TUT7: variants seen among roughly 807,000 people sequenced by gnomAD.
TUT7 encodes the protein terminal uridylyltransferase 7.
Under a neutral mutation model 165.9 loss-of-function variants are expected in TUT7, and 33 were observed. The observed-to-expected ratio is 0.20, with a 90% confidence interval of 0.15 to 0.27. The LOEUF is 0.27. Among genes scored for constraint, TUT7 ranks in the 10% least tolerant of loss-of-function variants. TUT7 has a pLI of 1.00. For missense variants in TUT7, 1,338 were observed against 1,762.3 expected (o/e 0.76, Z 4.31); for synonymous variants, 552 against 608.1 (o/e 0.91, Z 1.36).
chr9:86,288,663 G>C lies in TUT7; in HGVS notation c.*14C>G. The C allele has an allele frequency of 6.2e-7, 1 of 1,611,578 alleles. No homozygotes were observed. Among genetic ancestry groups the C allele is most frequent in the Non-Finnish European group, 8.5e-7 (1 of 1,177,928 alleles). ...CGCCTGAGTGGCCATTTAGAGTGCT[G>C]CATTTTCCTTCCCTCATGATTCCTG... is the stretch of plus-strand genomic sequence containing the variant. On this transcript the variant is annotated 3_prime_UTR_variant, in exon 27 of 27. Coordinates refer to ENST00000375963, the MANE Select transcript of TUT7 (RefSeq NM_024617.4).
At chr9:86,331,539 C>T (rs542022660) in intron 10 of TUT7, among the ~76,000 whole-genome samples, 3 of 152,200 alleles carry the variant, frequency 2.0e-5, no homozygotes, top group South Asian at 2.1e-4. Flanking sequence ...CAAACATTTA[C>T]GATTGTTTTG....
rs986161819 is a variant in TUT7 at position 86,354,371 on chromosome 9, G to A, written c.-132C>T. The A allele has an allele frequency of 2.0e-5, 3 of 152,846 alleles. No individual in the cohort carries two copies. The highest frequency in any genetic ancestry group is 7.2e-5 in the African/African-American group (3 of 41,468). 9.5% of individuals were successfully genotyped at this position (152,846 alleles called of 1,614,324 possible). On this transcript the variant is annotated 5_prime_UTR_variant, in exon 1 of 27. Coordinates refer to ENST00000375963, the MANE Select transcript of TUT7 (RefSeq NM_024617.4). ...AGGGACGTTGGGAGAAGGCGCCCAA[G>A]AGCACTCACCACCTTCGCCGCGGTC... is the stretch of plus-strand genomic sequence containing the variant.
chr9:86,353,285 G>A (rs987879547), intron 1 of TUT7, 55 bp from the exon 2 acceptor site: 26 of 1,381,834 alleles, frequency 1.9e-5, no homozygotes, highest in Non-Finnish European at 2.4e-5. Context: ...TATCATACAA[G>A]TATACAAAAT....
At chr9:86,350,868 C>G (rs1317594410) in intron 2 of TUT7, among the ~76,000 whole-genome samples, 1 of 152,164 alleles carries the variant, frequency 6.6e-6, no homozygotes, top group East Asian at 1.9e-4. Context: ...CGCGGTAGTT[C>G]ACGCCTGTAA....
At chr9:86,322,833 A>G (rs1355637019) in intron 13 of TUT7, 40 bp downstream of exon 13, 1 of 1,527,494 alleles carries the variant, frequency 6.5e-7, no homozygotes, top group Non-Finnish European at 8.7e-7. Context: ...CAAAGTCCTT[A>G]AAGTCTCCTA....
chr9:86,351,721 T>C (rs1832319603), intron 2 of TUT7, among the ~76,000 whole-genome samples: 1 of 152,210 alleles, frequency 6.6e-6, no homozygotes, highest in Non-Finnish European at 1.5e-5. Context: ...AAAGTGTCCA[T>C]ATTCCCTGAA....
At chr9:86,330,537 G>A (rs1268976093) in intron 10 of TUT7, among the ~76,000 whole-genome samples, 1 of 152,206 alleles carries the variant, frequency 6.6e-6, no homozygotes, top group Non-Finnish European at 1.5e-5. Flanking sequence ...TCTCAACTGG[G>A]TAGCTTGAGT....
At chr9:86,312,588 G>A (rs1256655010) in intron 17 of TUT7, among the ~76,000 whole-genome samples, 3 of 152,318 alleles carry the variant, frequency 2.0e-5, no homozygotes, top group Non-Finnish European at 4.4e-5. Flanking sequence ...CCCTCTGCCC[G>A]GCCACCATCC....
chr9:86,302,397 T>C, intron 25 of TUT7, among the ~76,000 whole-genome samples: 1 of 152,358 alleles, frequency 6.6e-6, no homozygotes, highest in South Asian at 2.1e-4. Context: ...GCTGAACAGT[T>C]ACTGTGCATT....
chr9:86,329,444 C>T (rs976150095), intron 10 of TUT7, among the ~76,000 whole-genome samples: 13 of 151,710 alleles, frequency 8.6e-5, no homozygotes, highest in Non-Finnish European at 2.9e-5. Flanking sequence ...AATTGTTTGA[C>T]CCTGGGAGGC....
intron 14 of TUT7, 85 bp downstream of exon 14, chr9:86,322,240 G>A: frequency 7.8e-7 from 1 of 1,277,402 alleles, no homozygotes; most frequent in South Asian, 1.4e-5. Context: ...AATGTTTAGA[G>A]ACCTAAATAG....
chr9:86,325,626 T>C lies in TUT7; in HGVS notation c.1609-112A>G. 6.3e-6 allele frequency: 6 copies of C among 951,282 alleles called. No individual in the cohort carries two copies. In the South Asian group the frequency reaches 8.9e-5, roughly 14 times the overall value. 58.9% of individuals were successfully genotyped at this position (951,282 alleles called of 1,614,324 possible). On this transcript the variant is annotated intron_variant, in intron 11 of 26. Coordinates refer to ENST00000375963, the MANE Select transcript of TUT7 (RefSeq NM_024617.4). The stretch of plus-strand genomic sequence containing the variant: ...AAAATCTGGAAAACCTTAACAAAGA[T>C]ATAAGCCTGACAATCCATCTAGATA...
intron 25 of TUT7, among the ~76,000 whole-genome samples, chr9:86,302,089 G>GA (rs1204741541): frequency 6.6e-6 from 1 of 151,898 alleles, no homozygotes; most frequent in Non-Finnish European, 1.5e-5. Flanking sequence ...TTTGAGTAAT[G>GA]AAAAAAAGGA....
intron 2 of TUT7, among the ~76,000 whole-genome samples, chr9:86,351,314 T>C (rs1832284022): frequency 6.6e-6 from 1 of 152,152 alleles, no homozygotes; most frequent in Non-Finnish European, 1.5e-5. Flanking sequence ...CATGTGCCTG[T>C]AGTCCCAGCT....
In TUT7 at chr9:86,343,035, A is replaced by G. The variant is rs767807701; in HGVS notation, c.1086+40T>C. Reference sequence around the variant, plus strand: ...TTTACATTTGTAAGAAAGAATTTCCATACCACTCTGAAAGTGCCAGCATTT... The same window carrying G: ...TTTACATTTGTAAGAAAGAATTTCCGTACCACTCTGAAAGTGCCAGCATTT... On this transcript the variant is annotated intron_variant, in intron 6 of 26. Transcript: ENST00000375963. 15 of 1,278,044 alleles carry G rather than the reference A, an allele frequency of 1.2e-5. 1 individual carries two copies. The South Asian group carries it at 1.9e-4, about 16-fold the overall frequency. The allele number at this position is 1,278,044 out of a possible 1,614,324, so 79.2% of individuals were successfully genotyped here.
chr9:86,301,792 G>A (rs972484098), intron 25 of TUT7, 191 bp from the exon 26 acceptor site: 4 of 985,400 alleles, frequency 4.1e-6, no homozygotes, highest in Non-Finnish European at 3.6e-6. Context: ...GTTTAAGGGT[G>A]CAGTTTTTCT....
In TUT7 at chr9:86,298,747, T is replaced by G. The variant is rs138749050; in HGVS notation, c.4420+2529A>C. 339 of 978,764 alleles carry G rather than the reference T, an allele frequency of 3.5e-4. No homozygotes were observed. In the African/African-American group the frequency reaches 5.6e-3, roughly 16 times the overall value. The allele number at this position is 978,764 out of a possible 1,614,324, so 60.6% of individuals were successfully genotyped here. A position where few individuals can be genotyped will look rare whatever the true frequency, so the allele number is the denominator to read the frequency against. ...AGTAAATAAAATAACACACATTTGTTTTTTTTAAAACCCACATACCTGACT... is the reference window on the plus strand; with the variant it reads ...AGTAAATAAAATAACACACATTTGTGTTTTTTAAAACCCACATACCTGACT... On this transcript the variant is annotated intron_variant, in intron 26 of 26. Transcript: ENST00000375963.
intron 6 of TUT7, among the ~76,000 whole-genome samples, chr9:86,341,924 TA>T (rs949425924): frequency 1.3e-5 from 2 of 152,144 alleles, no homozygotes; most frequent in South Asian, 4.2e-4. Context: ...ATGAGTTCCA[TA>T]AAGAGGAACC....
At chr9:86,352,641 G>A (rs759420091) in intron 2 of TUT7, 39 bp downstream of exon 2, 2 of 1,608,666 alleles carry the variant, frequency 1.2e-6, no homozygotes, top group Non-Finnish European at 1.7e-6. Context: ...AAACATTGCT[G>A]ACTCTGGGGT....
Sources: gnomAD v4.1 joint callset for allele counts (sites outside exome capture counted in the v4.1 genomes callset) on GRCh38, gnomAD v4.1.1 for gene constraint, MANE v1.5 for transcripts, NCBI Gene and HGNC (gene_info 2026-07-23, HGNC 2026-07-21) for gene names.